MEGF11: variants seen among roughly 807,000 people sequenced by gnomAD.
MEGF11 encodes the protein multiple EGF like domains 11, also known as multiple epidermal growth factor-like domains protein 11.
MEGF11 carries 126 observed loss-of-function variants against 146.6 expected under a neutral mutation model. The observed-to-expected ratio is 0.86, with a 90% CI of 0.74 to 1.00. MEGF11 has a LOEUF of 1.00. Among genes scored for constraint, MEGF11 ranks in the 50% least tolerant of loss-of-function variants. MEGF11 has a pLI of 0.00. For synonymous variants in MEGF11, 532 were observed against 583.4 expected (o/e 0.91, Z 1.27); for missense variants, 1,509 against 1,521.2 (o/e 0.99, Z 0.13).
chr15:66,172,066 A>G (rs1442473302), intron 1 of MEGF11, among the ~76,000 whole-genome samples: 1 of 152,096 alleles, frequency 6.6e-6, no homozygotes, highest in Admixed American at 6.6e-5. Context: ...CTAATCTATC[A>G]TTACTTCACA....
chr15:66,067,809 G>A (rs988863031), intron 5 of MEGF11, among the ~76,000 whole-genome samples: 2 of 152,216 alleles, frequency 1.3e-5, no homozygotes, highest in Admixed American at 6.5e-5. Flanking sequence ...TTATAGTCAT[G>A]AGGCCCTTTT....
intron 18 of MEGF11, 52 bp downstream of exon 18, chr15:65,916,096 G>A: frequency 6.6e-7 from 1 of 1,525,518 alleles, no homozygotes; most frequent in Non-Finnish European, 8.9e-7. Flanking sequence ...ATCCTCTGCA[G>A]GAGGGTAGGG....
In MEGF11 at chr15:66,089,902, G is replaced by A. The variant is rs577869784; in HGVS notation, c.394+4500C>T. On this transcript the variant is annotated intron_variant, in intron 5 of 25. Transcript: ENST00000395614. ...AGAGTCACTCTGTCGTCTTTATTCA[G>A]TATAAATTGACATTTCATTCTTTTA... Among the ~76,000 whole-genome samples the A allele has an allele frequency of 9.2e-5, 14 of 152,284 alleles. No individual in the cohort carries two copies. The South Asian group carries it at 2.7e-3, about 29-fold the overall frequency.
chr15:66,015,156 A>G (rs1227815754), intron 5 of MEGF11, among the ~76,000 whole-genome samples: 2 of 152,214 alleles, frequency 1.3e-5, no homozygotes, highest in Non-Finnish European at 2.9e-5. Flanking sequence ...TCTGTGGACC[A>G]GGGAGCCACA....
At chr15:66,009,741 T>G (rs553065979) in intron 5 of MEGF11, among the ~76,000 whole-genome samples, 29 of 151,974 alleles carry the variant, frequency 1.9e-4, no homozygotes, top group African/African-American at 7.0e-4. Flanking sequence ...TACAGACACA[T>G]GCCAACGTGC....
intron 1 of MEGF11, among the ~76,000 whole-genome samples, chr15:66,174,835 GC>G (rs1234299868): frequency 6.6e-6 from 1 of 152,126 alleles, no homozygotes; most frequent in Non-Finnish European, 1.5e-5. Context: ...CAACCCATGA[GC>G]ATGAGATGTC....
In MEGF11 at chr15:65,965,587, TCTTTCTTTC is replaced by T. The variant is rs376217678; in HGVS notation, c.900-476_900-468del. ...AGTGAGGTCCCTTTCTTTCTTTCTT[TCTTTCTTTC>T]TTTCTTTTTTTTTTTTCTTTTTTTT... On this transcript the variant is annotated intron_variant, in intron 8 of 25. Coordinates refer to ENST00000395614, the MANE Select transcript of MEGF11 (RefSeq NM_001385028.1). Among the ~76,000 whole-genome samples the T allele has an allele frequency of 1.4e-3, 58 of 40,902 alleles. 5 individuals are homozygous for T. The highest frequency in any genetic ancestry group is 5.2e-3 in the East Asian group (14 of 2,692). 26.8% of individuals were successfully genotyped at this position (40,902 alleles called of 152,430 possible).
At chr15:66,077,748 C>T (rs369146702) in intron 5 of MEGF11, among the ~76,000 whole-genome samples, 2 of 152,172 alleles carry the variant, frequency 1.3e-5, no homozygotes, top group South Asian at 4.1e-4. Context: ...TGGCAAGGAC[C>T]GCCTGGCCAT....
chr15:66,197,197 C>T (rs887634845), intron 1 of MEGF11, among the ~76,000 whole-genome samples: 1 of 152,172 alleles, frequency 6.6e-6, no homozygotes, highest in Non-Finnish European at 1.5e-5. Context: ...TGGTCCCAGA[C>T]CTTTGTCTGT....
At chr15:66,084,759 G>A (rs2140579599) in intron 5 of MEGF11, among the ~76,000 whole-genome samples, 1 of 152,296 alleles carries the variant, frequency 6.6e-6, no homozygotes, top group East Asian at 1.9e-4. Context: ...TTCTCTAGCA[G>A]AAATTTGTAA....
At chr15:66,208,513 A>G (rs182532217) in intron 1 of MEGF11, among the ~76,000 whole-genome samples, 1 of 152,382 alleles carries the variant, frequency 6.6e-6, no homozygotes, top group Admixed American at 6.5e-5. Flanking sequence ...TTCTAAATAC[A>G]CTAATTAAAA....
intron 23 of MEGF11, among the ~76,000 whole-genome samples, chr15:65,908,025 G>A (rs768763397): frequency 6.6e-6 from 1 of 151,874 alleles, no homozygotes; most frequent in Non-Finnish European, 1.5e-5. Context: ...TGGTGGGGCT[G>A]TGTGTGTGTG....
Position 65,928,310 on chromosome 15 carries a change from T to C in MEGF11, c.1675+115A>G, listed in dbSNP as rs2141289819. On this transcript the variant is annotated intron_variant, in intron 13 of 25. Transcript: ENST00000395614. ...AACCCAGAGCAGATAAAGGGAAAGA[T>C]GCATACTCAGGGATCAAGAAGAGAG... 13 of 593,664 alleles carry C rather than the reference T, an allele frequency of 2.2e-5. No individual in the cohort carries two copies. In the South Asian group the frequency reaches 3.0e-4, roughly 14 times the overall value. The allele number at this position is 593,664 out of a possible 1,614,324, so 36.8% of individuals were successfully genotyped here.
chr15:65,933,061 G>T (rs1157882050), intron 10 of MEGF11, among the ~76,000 whole-genome samples: 5 of 152,126 alleles, frequency 3.3e-5, no homozygotes, highest in Non-Finnish European at 7.4e-5. Flanking sequence ...AGAACCGAGG[G>T]TGTGGGTCTT....
chr15:66,154,995 T>A (rs1445707742), intron 1 of MEGF11, among the ~76,000 whole-genome samples: 1 of 152,232 alleles, frequency 6.6e-6, no homozygotes, highest in Non-Finnish European at 1.5e-5. Flanking sequence ...CAGGGGAAAC[T>A]GAAGGCCAAA....
intron 1 of MEGF11, among the ~76,000 whole-genome samples, chr15:66,191,161 C>A (rs2090862758): frequency 1.3e-5 from 2 of 152,088 alleles, no homozygotes; most frequent in East Asian, 1.9e-4. Flanking sequence ...CTATATCCCT[C>A]CCCCCGCCAA....
intron 1 of MEGF11, among the ~76,000 whole-genome samples, chr15:66,217,012 G>A (rs2091602983): frequency 6.6e-6 from 1 of 152,222 alleles, no homozygotes; most frequent in Admixed American, 6.5e-5. Context: ...CCGAGGCCTT[G>A]GTTGCCACCA....
At chr15:66,025,184 A>G (rs1024147755) in intron 5 of MEGF11, among the ~76,000 whole-genome samples, 4 of 152,224 alleles carry the variant, frequency 2.6e-5, no homozygotes, top group African/African-American at 9.6e-5. Flanking sequence ...CAGCAAGTCT[A>G]TGCAAAACCT....
chr15:65,910,067 C>G (rs2078751600), intron 21 of MEGF11: 5 of 627,958 alleles, frequency 8.0e-6, no homozygotes, highest in African/African-American at 1.8e-5. Flanking sequence ...TAGCTTGAGC[C>G]AAGCTGGCCC....
Sources: allele counts gnomAD v4.1 joint callset (sites outside exome capture counted in the v4.1 genomes callset), GRCh38; gene constraint gnomAD v4.1.1; transcripts MANE v1.5; gene names NCBI Gene and HGNC (gene_info 2026-07-23, HGNC 2026-07-21).